The following ZNF831 variants were observed in gnomAD, a reference collection of about 807,000 sequenced individuals.
ZNF831 encodes the protein zinc finger protein 831.
Under a neutral mutation model 95.8 loss-of-function variants are expected in ZNF831, and 59 were observed. The ratio of observed to expected loss-of-function variants is 0.62; its 90% CI spans 0.50 to 0.77. The LOEUF (loss-of-function observed/expected upper bound fraction) is 0.77, where lower values mean the gene tolerates loss of function less well. Ranked by LOEUF, ZNF831 falls within the 30% of genes least tolerant of loss-of-function variation. The pLI, the probability that ZNF831 is intolerant of heterozygous loss-of-function variation, is 0.00. For missense variants in ZNF831, 2,205 were observed against 2,164.0 expected (o/e 1.02, Z -0.38); for synonymous variants, 961 against 925.5 (o/e 1.04, Z -0.70).
At chr20:59,136,336 CT>C (rs990273786) in intron 1 of ZNF831, among the ~76,000 whole-genome samples, 4 of 152,126 alleles carry the variant, frequency 2.6e-5, no homozygotes, top group African/African-American at 9.7e-5. Flanking sequence ...AGTATTTTTC[CT>C]ATCTTAAAGT....
chr20:59,171,074 T>C (rs1981693627), intron 1 of ZNF831, among the ~76,000 whole-genome samples: 1 of 152,136 alleles, frequency 6.6e-6, no homozygotes, highest in Admixed American at 6.5e-5. Context: ...GGTTTTTATG[T>C]TGTGGGGGCT....
At position 59,254,376 on chromosome 20, in the gene ZNF831, C is replaced by T. The variant is rs772575008; in HGVS notation, c.4667C>T (p.Ser1556Leu). The T allele has an allele frequency of 2.9e-5, 47 of 1,613,940 alleles. No individual in the cohort carries two copies. The highest frequency in any genetic ancestry group is 1.1e-4 in the East Asian group (5 of 44,866). Residue 1556 changes from serine (S) to leucine (L), a missense_variant, in exon 6 of 6, where the codon TCG becomes TTG. Transcript: ENST00000371030. This position sits in a 1 kb window ranked among gnomAD's most constrained non-coding sequence, Gnocchi z 4.5. ...TCATCTGGACAAAGAATTTCAGATTCGGTTCCACTGGAGTCAACTGAAAAA... is the reference window on the plus strand; with the variant it reads ...TCATCTGGACAAAGAATTTCAGATTTGGTTCCACTGGAGTCAACTGAAAAA... ...RPSSGQRISD[S>L]VPLESTEKTH...
chr20:59,163,112 A>G (rs778846580), upstream of ZNF831, among the ~76,000 whole-genome samples: 1 of 151,906 alleles, frequency 6.6e-6, no homozygotes, highest in Non-Finnish European at 1.5e-5. Flanking sequence ...TTACTGGTGT[A>G]TAGAAATGCT....
intron 1 of ZNF831, among the ~76,000 whole-genome samples, chr20:59,130,981 G>A (rs940889451): frequency 3.9e-5 from 6 of 152,154 alleles, no homozygotes; most frequent in African/African-American, 1.4e-4. Flanking sequence ...CTGAGTAAAT[G>A]GGCGTGGAAG....
At chr20:59,174,140 G>C (rs1981957416) in intron 1 of ZNF831, among the ~76,000 whole-genome samples, 1 of 152,160 alleles carries the variant, frequency 6.6e-6, no homozygotes, top group Non-Finnish European at 1.5e-5. Flanking sequence ...AGGCTTTGGA[G>C]CTTGTGGCAT....
rs201566823 is a variant in ZNF831, at chr20:59,193,966, G to C, written c.2947G>C (p.Gly983Arg). Reference protein sequence around the residue: ...PEERASFVGSGLGTPLSPSPA... With the variant: ...PEERASFVGSRLGTPLSPSPA... ...AGAACGGGCATCATTTGTTGGGTCA[G>C]GACTGGGGACCCCTCTTTCTCCCAG... is the stretch of plus-strand genomic sequence containing the variant. Residue 983 changes from glycine (G) to arginine (R), a missense_variant, in exon 2 of 6, where the codon GGA becomes CGA. Coordinates refer to ENST00000371030, the MANE Select transcript of ZNF831 (RefSeq NM_178457.3). 26 of 1,550,532 alleles carry C rather than the reference G, an allele frequency of 1.7e-5. No homozygotes were observed. The African/African-American group carries it at 3.3e-4, about 20-fold the overall frequency.
chr20:59,225,009 CT>C (rs1300785356), intron 4 of ZNF831, among the ~76,000 whole-genome samples: 2 of 150,550 alleles, frequency 1.3e-5, no homozygotes, highest in Non-Finnish European at 3.0e-5. Context: ...ATGCTTTTAA[CT>C]GGTGGGGGAA....
chr20:59,186,056 C>T (rs1357360120), intron 1 of ZNF831, among the ~76,000 whole-genome samples: 2 of 152,202 alleles, frequency 1.3e-5, no homozygotes, highest in African/African-American at 4.8e-5. Flanking sequence ...CAGGACATGG[C>T]TGCTCCCACA....
chr20:59,159,747 C>G (rs1156825809), upstream of ZNF831: 3 of 152,362 alleles, frequency 2.0e-5, no homozygotes, highest in Non-Finnish European at 4.4e-5. Context: ...CAGTGGAAAG[C>G]GGAGTGCGTG....
chr20:59,201,785 T>C (rs1168608671), intron 3 of ZNF831, among the ~76,000 whole-genome samples: 2 of 152,210 alleles, frequency 1.3e-5, no homozygotes, highest in Admixed American at 6.5e-5. Flanking sequence ...CTCTGAGACT[T>C]ATTATAAAGC....
chr20:59,200,958 T>C (rs1984488437), intron 3 of ZNF831, among the ~76,000 whole-genome samples: 1 of 152,206 alleles, frequency 6.6e-6, no homozygotes, highest in African/African-American at 2.4e-5. Flanking sequence ...ATGCAAACCT[T>C]TGTATGGACA....
chr20:59,215,231 T>C lies in ZNF831; in HGVS notation c.4027+8175T>C, dbSNP rs144945161. Among the ~76,000 whole-genome samples the C allele has an allele frequency of 9.2e-5, 14 of 152,356 alleles. No homozygotes were observed. The East Asian group carries it at 2.7e-3, about 29-fold the overall frequency. On this transcript the variant is annotated intron_variant, in intron 4 of 5. Coordinates refer to ENST00000371030, the MANE Select transcript of ZNF831 (RefSeq NM_178457.3). Reference sequence around the variant, plus strand: ...GGTTGAGGTTAATTATTTGGGCTTTTGCTGGGCACATTGGAAGTCGTGCCG... The same window carrying C: ...GGTTGAGGTTAATTATTTGGGCTTTCGCTGGGCACATTGGAAGTCGTGCCG...
In ZNF831 at chr20:59,193,935, G is replaced by T; in HGVS notation, c.2916G>T (p.Trp972Cys). The stretch of plus-strand genomic sequence containing the variant: ...AGGACTCTCTCTGCAGCAGTGGGTG[G>T]CCTGAAGAACGGGCATCATTTGTTG... ...HSQDSLCSSGWPEERASFVGS... is the reference protein window; with the variant it reads ...HSQDSLCSSGCPEERASFVGS... The change falls in exon 2 of 6, where the codon TGG becomes TGT. Residue 972 changes from tryptophan to cysteine, a missense_variant. By Grantham distance (215) the Trp-to-Cys change is radical. Transcript: ENST00000371030. The T allele has an allele frequency of 1.9e-6, 3 of 1,590,016 alleles. No homozygotes were observed. The highest frequency in any genetic ancestry group is 1.7e-6 in the Non-Finnish European group (2 of 1,168,140).
In ZNF831 at chr20:59,129,262, TTG is replaced by T. The variant is rs375858890; in HGVS notation, c.-1425+5767_-1425+5768del. Among the ~76,000 whole-genome samples, 484 of 152,122 alleles carry T rather than the reference TTG, an allele frequency of 3.2e-3. 3 individuals are homozygous for T. Among genetic ancestry groups the T allele is most frequent in the African/African-American group, 0.011 (456 of 41,484 alleles). On this transcript the variant is annotated intron_variant, in intron 1 of 7. Coordinates refer to the ZNF831 transcript ENST00000637017. Reference sequence around the variant, plus strand: ...GCATGTGCATGTGTGTATGTGTGTGTTGTGTGTGTGTATCTAGTTCTGTGCCG... The same window carrying T: ...GCATGTGCATGTGTGTATGTGTGTGTTGTGTGTGTATCTAGTTCTGTGCCG...
intron 1 of ZNF831, among the ~76,000 whole-genome samples, chr20:59,139,681 A>C (rs955388238): frequency 2.0e-5 from 3 of 152,224 alleles, no homozygotes; most frequent in Non-Finnish European, 4.4e-5. Context: ...GGAGCAAGTC[A>C]AATATGTTTA....
chr20:59,159,943 C>T (rs1439203197), upstream of ZNF831: 3 of 152,432 alleles, frequency 2.0e-5, no homozygotes, highest in Non-Finnish European at 2.9e-5. Flanking sequence ...GTGAGGGAGT[C>T]GCAGTTCTCT....
upstream of ZNF831, chr20:59,159,702 G>A (rs1980742683): frequency 6.6e-6 from 1 of 152,244 alleles, no homozygotes; most frequent in Non-Finnish European, 1.5e-5. Flanking sequence ...TGCGGTGGAT[G>A]TTAGGGGAAC....
At chr20:59,240,346 C>A (rs533801252) in intron 4 of ZNF831, among the ~76,000 whole-genome samples, 42 of 152,306 alleles carry the variant, frequency 2.8e-4, no homozygotes, top group African/African-American at 9.9e-4. Context: ...GCCAAAGAGA[C>A]TCCTTTTGTG....
rs1156297100 is a variant in ZNF831 at position 59,257,577 on chromosome 20, A to G, written c.*2834A>G. 1 of 152,230 alleles carries G rather than the reference A, an allele frequency of 6.6e-6. No homozygotes were observed. Among genetic ancestry groups the G allele is most frequent in the Non-Finnish European group, 1.5e-5 (1 of 68,044 alleles). 9.4% of individuals were successfully genotyped at this position (152,230 alleles called of 1,614,324 possible). A position where few individuals can be genotyped will look rare whatever the true frequency, so the allele number is the denominator to read the frequency against. On this transcript the variant is annotated 3_prime_UTR_variant, in exon 6 of 6. Coordinates refer to ENST00000371030, the MANE Select transcript of ZNF831 (RefSeq NM_178457.3). ...GGGTTACTAAAAATAAAATGTCAGT[A>G]TTATCAATTGATAACTACCACAGTT...
Sources: allele counts gnomAD v4.1 joint callset (sites outside exome capture counted in the v4.1 genomes callset), GRCh38; gene constraint gnomAD v4.1.1; non-coding constraint Gnocchi (gnomAD v3.1); transcripts MANE v1.5; gene names NCBI Gene and HGNC (gene_info 2026-07-23, HGNC 2026-07-21).